Variants in USP34 observed in about 807,000 individuals in gnomAD.
USP34 encodes the protein ubiquitin specific peptidase 34.
Under a neutral mutation model 460.3 loss-of-function variants are expected in USP34, and 70 were observed. The ratio of observed to expected loss-of-function variants is 0.15; its 90% CI spans 0.13 to 0.19. The LOEUF (loss-of-function observed/expected upper bound fraction) is 0.19. USP34 is among the 10% of genes least tolerant of loss of function. The pLI is 1.00. For missense variants in USP34, 3,985 were observed against 4,236.2 expected (o/e 0.94, Z 1.65); for synonymous variants, 1,647 against 1,405.3 (o/e 1.17, Z -3.85).
chr2:61,309,985 T>C (rs1690537874), intron 27 of USP34, among the ~76,000 whole-genome samples: 1 of 152,060 alleles, frequency 6.6e-6, no homozygotes, highest in Non-Finnish European at 1.5e-5. Context: ...GTTGCCAAAC[T>C]GTTTCACAAA....
At chr2:61,341,858 G>T (rs1375956599) in intron 16 of USP34, among the ~76,000 whole-genome samples, 2 of 149,684 alleles carry the variant, frequency 1.3e-5, no homozygotes, top group Admixed American at 1.3e-4. Context: ...CGCCTCTCAG[G>T]TTCAAGTGAT....
Position 61,405,989 on chromosome 2 carries a change from C to A in USP34, c.271G>T (p.Asp91Tyr). 1 of 1,613,594 alleles carries A rather than the reference C, an allele frequency of 6.2e-7. No individual in the cohort carries two copies. Among genetic ancestry groups the A allele is most frequent in the Non-Finnish European group, 8.5e-7 (1 of 1,179,960 alleles). ...LCKHCTTINI[D>Y]STWQDESNQA... ...TTACTCTCATCTTGCCACGTGGAAT[C>A]TATGTTAATGGTAGTACAATGTTTA... Residue 91 changes from aspartate to tyrosine, a missense_variant, in exon 3 of 80, where the codon GAT becomes TAT. Coordinates refer to ENST00000398571, the MANE Select transcript of USP34 (RefSeq NM_014709.4).
intron 4 of USP34, 67 bp from the exon 5 acceptor site, chr2:61,395,069 G>C: frequency 6.7e-7 from 1 of 1,493,254 alleles, no homozygotes; most frequent in Non-Finnish European, 9.0e-7. Context: ...TAGCAATACT[G>C]GAAAGATACT....
intron 18 of USP34, among the ~76,000 whole-genome samples, chr2:61,336,372 C>T (rs939147402): frequency 3.3e-5 from 5 of 152,108 alleles, no homozygotes; most frequent in African/African-American, 1.2e-4. Flanking sequence ...ATAGATGCCC[C>T]ATCTCACCCT....
intron 6 of USP34, among the ~76,000 whole-genome samples, chr2:61,381,237 C>T (rs778150): frequency 0.53 from 79,190 of 149,444 alleles, 21,237 homozygotes; most frequent in South Asian, 0.73. Flanking sequence ...AAAAAATAAA[C>T]AAAAAATGTA....
chr2:61,222,526 T>A, intron 65 of USP34, 93 bp downstream of exon 65: 1 of 986,860 alleles, frequency 1.0e-6, no homozygotes, highest in East Asian at 2.5e-5. Flanking sequence ...GAAACCCTGA[T>A]AAATTTGTTC....
At position 61,314,682 on chromosome 2, in the gene USP34, C is replaced by T; in HGVS notation, c.3445G>A (p.Ala1149Thr). The change falls in exon 25 of 80, where the codon GCT becomes ACT. Residue 1149 changes from alanine to threonine, a missense_variant. Transcript: ENST00000398571. ...GATTCCTGTTCAAGACTGCTAGAAG[C>T]TATCATAAGACTCTCCATGCACTTA... ...ISKCMESLMI[A>T]SSSLEQESHS... The T allele has an allele frequency of 6.2e-7, 1 of 1,601,774 alleles. No homozygotes were observed. The highest frequency in any genetic ancestry group is 8.5e-7 in the Non-Finnish European group (1 of 1,176,102).
chr2:61,380,897 G>A (rs1310862619), intron 6 of USP34, among the ~76,000 whole-genome samples: 1 of 152,196 alleles, frequency 6.6e-6, no homozygotes, highest in East Asian at 1.9e-4. Context: ...TGAGATTCCC[G>A]CTCACCCCAC....
At chr2:61,449,483 G>A (rs1232310949) in intron 1 of USP34, among the ~76,000 whole-genome samples, 7 of 149,626 alleles carry the variant, frequency 4.7e-5, no homozygotes, top group Non-Finnish European at 1.0e-4. Flanking sequence ...GAAACTCAAG[G>A]GACCCTGAAG....
intron 2 of USP34, among the ~76,000 whole-genome samples, chr2:61,412,437 A>G (rs767703482): frequency 5.9e-5 from 9 of 152,130 alleles, no homozygotes; most frequent in Non-Finnish European, 1.0e-4. Context: ...CAAAATTCAG[A>G]GCACTGTAAT....
chr2:61,330,927 C>A (rs1418300325), intron 20 of USP34, among the ~76,000 whole-genome samples: 2 of 152,024 alleles, frequency 1.3e-5, no homozygotes, highest in African/African-American at 4.8e-5. Context: ...TAAATATTTA[C>A]AAATTTTAGA....
Position 61,188,445 on chromosome 2 carries a change from T to G in USP34, c.10298A>C (p.Gln3433Pro), listed in dbSNP as rs752273114. 2 of 1,614,264 alleles carry G rather than the reference T, an allele frequency of 1.2e-6. No homozygotes were observed. Among genetic ancestry groups the G allele is most frequent in the Non-Finnish European group, 1.7e-6 (2 of 1,180,048 alleles). The change falls in exon 80 of 80, where the codon CAG becomes CCG. Residue 3433 changes from glutamine to proline, a missense_variant. By Grantham distance (76) the Gln-to-Pro change is moderately conservative. This residue lies in a region of USP34 where 506 missense variants were observed against 439.0 expected (regional missense o/e 1.15). Coordinates refer to ENST00000398571, the MANE Select transcript of USP34 (RefSeq NM_014709.4). ...ATTGTTGGACTGTTCTTCTGCATGC[T>G]GTGACCTGATATTTGACATGTCTTC... is the stretch of plus-strand genomic sequence containing the variant. ...FSEDMSNIRS[Q>P]HAEEQSNNGR...
intron 20 of USP34, among the ~76,000 whole-genome samples, chr2:61,327,636 T>G (rs1310725326): frequency 6.6e-6 from 1 of 152,196 alleles, no homozygotes; most frequent in African/African-American, 2.4e-5. Context: ...CCCCTATACT[T>G]GCATCTCGGA....
intron 34 of USP34, among the ~76,000 whole-genome samples, chr2:61,286,393 C>G (rs1194900334): frequency 6.6e-6 from 1 of 152,090 alleles, no homozygotes; most frequent in African/African-American, 2.4e-5. Flanking sequence ...CGGTGGCTCA[C>G]ACCTATAATC....
chr2:61,366,369 G>A (rs1266547498), intron 10 of USP34, among the ~76,000 whole-genome samples: 1 of 152,198 alleles, frequency 6.6e-6, no homozygotes, highest in Non-Finnish European at 1.5e-5. Flanking sequence ...TTGATGGACA[G>A]AAGGAAGACA....
In USP34 at chr2:61,246,496, A is replaced by T; in HGVS notation, c.6395-19T>A. The stretch of plus-strand genomic sequence containing the variant: ...TTAAAACCTGAAATGATTTACACAG[A>T]ATGGAAATAATTTTCCAAACTTCAC... On this transcript the variant is annotated intron_variant, in intron 49 of 79. Coordinates refer to ENST00000398571, the MANE Select transcript of USP34 (RefSeq NM_014709.4). 6.8e-7 allele frequency: 1 copy of T among 1,466,194 alleles called. No individual in the cohort carries two copies. The highest frequency in any genetic ancestry group is 2.5e-5 in the East Asian group (1 of 40,750). The allele number at this position is 1,466,194 out of a possible 1,614,324, so 90.8% of individuals were successfully genotyped here. A position where few individuals can be genotyped will look rare whatever the true frequency, so the allele number is the denominator to read the frequency against.
At chr2:61,394,336 A>G (rs1293642210) in intron 5 of USP34, among the ~76,000 whole-genome samples, 1 of 152,042 alleles carries the variant, frequency 6.6e-6, no homozygotes, top group Admixed American at 6.6e-5. Flanking sequence ...TTCCCAGGAC[A>G]GAATCCCAGG....
At chr2:61,237,955 G>A (rs1310689285) in intron 53 of USP34, among the ~76,000 whole-genome samples, 1 of 151,586 alleles carries the variant, frequency 6.6e-6, no homozygotes, top group Non-Finnish European at 1.5e-5. Flanking sequence ...GGAGTGCAAT[G>A]GCGCGATCTC....
intron 21 of USP34, among the ~76,000 whole-genome samples, chr2:61,321,203 T>C (rs1198533240): frequency 6.6e-6 from 1 of 151,728 alleles, no homozygotes; most frequent in African/African-American, 2.4e-5. Flanking sequence ...CCAGGCGCAG[T>C]GGCTCATGCC....
Sources: gnomAD v4.1 joint callset for allele counts (sites outside exome capture counted in the v4.1 genomes callset) on GRCh38, gnomAD v4.1.1 for gene constraint, gnomAD v4.1.1 regional missense constraint, MANE v1.5 for transcripts, NCBI Gene and HGNC (gene_info 2026-07-23, HGNC 2026-07-21) for gene names.